Variants in FRMD4B observed in about 807,000 individuals in gnomAD.
FRMD4B encodes FERM domain-containing protein 4B.
FRMD4B carries 74 observed loss-of-function variants against 141.5 expected under a neutral mutation model. The ratio of observed to expected loss-of-function variants is 0.52; its 90% CI spans 0.43 to 0.63. The LOEUF (loss-of-function observed/expected upper bound fraction) is 0.63, where lower values mean the gene tolerates loss of function less well. Ranked by LOEUF, FRMD4B falls within the 30% of genes least tolerant of loss-of-function variation. FRMD4B has a pLI of 0.00. For synonymous variants in FRMD4B, 506 were observed against 467.9 expected (o/e 1.08, Z -1.05); for missense variants, 1,366 against 1,253.4 (o/e 1.09, Z -1.36).
intron 1 of FRMD4B, among the ~76,000 whole-genome samples, chr3:69,528,917 C>A (rs576234131): frequency 6.6e-6 from 1 of 152,206 alleles, no homozygotes; most frequent in African/African-American, 2.4e-5. Flanking sequence ...ACTGGATGAG[C>A]AAGGGAGCTG....
At chr3:69,189,019 C>T (rs1409582239) in intron 18 of FRMD4B, among the ~76,000 whole-genome samples, 7 of 151,584 alleles carry the variant, frequency 4.6e-5, no homozygotes, top group Admixed American at 3.3e-4. Context: ...GTCAGGAGTT[C>T]GAGACTAGCC....
intron 2 of FRMD4B, among the ~76,000 whole-genome samples, chr3:69,413,739 C>G (rs6795689): frequency 2.6e-5 from 4 of 151,912 alleles, no homozygotes; most frequent in Non-Finnish European, 4.4e-5. Flanking sequence ...ATTCACCACA[C>G]GTCCAAAAGA....
chr3:69,541,797 C>CCCCG (rs1701189391), intron 1 of FRMD4B, among the ~76,000 whole-genome samples: 2 of 151,760 alleles, frequency 1.3e-5, no homozygotes, highest in East Asian at 3.9e-4. Flanking sequence ...TTTCCCCCCC[C>CCCCG]TCTTTTCGCT....
chr3:69,465,141 A>G (rs1354363539), intron 1 of FRMD4B, among the ~76,000 whole-genome samples: 1 of 152,092 alleles, frequency 6.6e-6, no homozygotes, highest in Non-Finnish European at 1.5e-5. Flanking sequence ...TAACATGGTG[A>G]AACCCCGTCT....
intron 7 of FRMD4B, among the ~76,000 whole-genome samples, chr3:69,237,582 GCATGCATTTCTAGGCTT>G (rs2093353482): frequency 1.3e-5 from 2 of 151,894 alleles, no homozygotes; most frequent in African/African-American, 4.8e-5. Flanking sequence ...TTAGGTGTGA[GCATGCATTTCTAGGCTT>G]CATGCATTTC....
At chr3:69,209,363 A>G (rs1399469571) in intron 11 of FRMD4B, among the ~76,000 whole-genome samples, 1 of 152,160 alleles carries the variant, frequency 6.6e-6, no homozygotes, top group Non-Finnish European at 1.5e-5. Context: ...AATTGCGATC[A>G]ACTATGGGAG....
At chr3:69,269,308 T>C (rs2093583631) in intron 5 of FRMD4B, among the ~76,000 whole-genome samples, 2 of 151,880 alleles carry the variant, frequency 1.3e-5, no homozygotes, top group African/African-American at 4.9e-5. Context: ...AAACATTTAT[T>C]AAGTGCTTAT....
At chr3:69,462,562 T>G (rs951383223) in intron 1 of FRMD4B, among the ~76,000 whole-genome samples, 1 of 152,204 alleles carries the variant, frequency 6.6e-6, no homozygotes, top group African/African-American at 2.4e-5. Context: ...GCTACATAAT[T>G]GGTGAGTGGT....
rs1553732676 is a variant in FRMD4B at position 69,375,671 on chromosome 3, TAA to T, written c.162+10155_162+10156del. On this transcript the variant is annotated intron_variant, in intron 1 of 22. Coordinates refer to ENST00000398540, the MANE Select transcript of FRMD4B (RefSeq NM_015123.3). ...TCTTTATGTGTCATTTCTCTTAAAA[TAA>T]AGCAGCAAATTTGTGGCCAGAGGCT... Among the ~76,000 whole-genome samples the T allele has an allele frequency of 3.6e-3, 3 of 828 alleles. No individual in the cohort carries two copies. The South Asian group carries it at 0.083, about 23-fold the overall frequency. The allele number at this position is 828 out of a possible 152,430, so 0.5% of individuals were successfully genotyped here.
At chr3:69,519,000 G>C (rs763516192) in intron 1 of FRMD4B, among the ~76,000 whole-genome samples, 2 of 152,212 alleles carry the variant, frequency 1.3e-5, no homozygotes, top group African/African-American at 2.4e-5. Flanking sequence ...TGAAGAATCT[G>C]TTGAGAAGGT....
rs1004138767 is a variant in FRMD4B, at chr3:69,196,704, T to C, written c.1092+196A>G. The C allele has an allele frequency of 2.6e-5, 15 of 588,036 alleles. 1 individual carries two copies. In the South Asian group the frequency reaches 2.6e-4, roughly 10 times the overall value. The allele number at this position is 588,036 out of a possible 1,614,324, so 36.4% of individuals were successfully genotyped here. ...ACGTGCATGCCAAAAAGTTGGCCAG[T>C]CTTACAACTTTTAAAGCAGCTTATA... is the stretch of plus-strand genomic sequence containing the variant. On this transcript the variant is annotated intron_variant, in intron 13 of 22. Coordinates refer to ENST00000398540, the MANE Select transcript of FRMD4B (RefSeq NM_015123.3).
chr3:69,400,541 G>C lies in FRMD4B; in HGVS notation c.-1+32093C>G, dbSNP rs535587196. ...GGTACTGGGTTAAAACTAACTACTG[G>C]ATGAAAAAACAAACAAGACAAACAC... On this transcript the variant is annotated intron_variant, in intron 2 of 5. Coordinates refer to the FRMD4B transcript ENST00000459638. 2.5e-3 allele frequency among the ~76,000 whole-genome samples: 380 copies of C among 152,250 alleles called. 16 individuals carry two copies. The South Asian group carries it at 0.076, about 31-fold the overall frequency.
chr3:69,390,396 T>C (rs1704355689), upstream of FRMD4B, among the ~76,000 whole-genome samples: 1 of 152,208 alleles, frequency 6.6e-6, no homozygotes, highest in Non-Finnish European at 1.5e-5. Context: ...GGCAATTTTA[T>C]ACCTCCCTCC....
rs566273558 is a variant in FRMD4B, at chr3:69,335,883, C to T, written c.163-22366G>A. ...GATTACAGGTGCGTGCCACCATGTT[C>T]GGCTAATTTTTGTATTTTTAGTAGA... On this transcript the variant is annotated intron_variant, in intron 1 of 22. Transcript: ENST00000398540. Among the ~76,000 whole-genome samples, 28 of 151,826 alleles carry T rather than the reference C, an allele frequency of 1.8e-4. No individual in the cohort carries two copies. In the South Asian group the frequency reaches 3.1e-3, roughly 17 times the overall value.
intron 5 of FRMD4B, among the ~76,000 whole-genome samples, chr3:69,264,773 A>T (rs1176458278): frequency 6.6e-6 from 1 of 152,162 alleles, no homozygotes; most frequent in Non-Finnish European, 1.5e-5. Context: ...AAGACATTAC[A>T]AAAAAACAAA....
intron 1 of FRMD4B, among the ~76,000 whole-genome samples, chr3:69,342,578 C>T (rs1170395642): frequency 6.6e-6 from 1 of 152,152 alleles, no homozygotes; most frequent in African/African-American, 2.4e-5. Flanking sequence ...TATTATTAAA[C>T]AAAAGTAACT....
At chr3:69,367,960 T>A (rs1703714383) in intron 1 of FRMD4B, among the ~76,000 whole-genome samples, 2 of 152,220 alleles carry the variant, frequency 1.3e-5, no homozygotes, top group South Asian at 4.1e-4. Flanking sequence ...TTTCCTCTCA[T>A]TCTTATTTTA....
At chr3:69,266,214 A>G (rs1333940322) in intron 5 of FRMD4B, among the ~76,000 whole-genome samples, 2 of 152,102 alleles carry the variant, frequency 1.3e-5, no homozygotes, top group Admixed American at 6.6e-5. Flanking sequence ...AAAAGAAAAA[A>G]AAAAGCTCAA....
chr3:69,397,037 T>C (rs1292301829), intron 2 of FRMD4B, among the ~76,000 whole-genome samples: 1 of 152,204 alleles, frequency 6.6e-6, no homozygotes, highest in Non-Finnish European at 1.5e-5. Flanking sequence ...AAAACGTATG[T>C]TCACACACAC....
Sources: allele counts gnomAD v4.1 joint callset (sites outside exome capture counted in the v4.1 genomes callset), GRCh38; gene constraint gnomAD v4.1.1; transcripts MANE v1.5; gene names NCBI Gene and HGNC (gene_info 2026-07-23, HGNC 2026-07-21).